Variants in KIF26A observed in about 807,000 individuals in gnomAD.
KIF26A encodes the protein kinesin-like protein KIF26A.
A neutral mutation model predicts 126.0 loss-of-function variants in KIF26A; 74 were observed. That is an observed-to-expected ratio of 0.59 (90% CI 0.49 to 0.71). KIF26A has a LOEUF of 0.71. Ranked by LOEUF, KIF26A falls within the 30% of genes least tolerant of loss-of-function variation. The pLI, the probability that KIF26A is intolerant of heterozygous loss-of-function variation, is 0.00. For synonymous variants in KIF26A, 1,445 were observed against 1,232.7 expected (o/e 1.17, Z -3.61); for missense variants, 2,984 against 2,763.3 (o/e 1.08, Z -1.79).
At chr14:104,160,969 C>G (rs1377987553) in intron 4 of KIF26A, among the ~76,000 whole-genome samples, 1 of 152,252 alleles carries the variant, frequency 6.6e-6, no homozygotes, top group Non-Finnish European at 1.5e-5. Flanking sequence ...CCTGGATGCC[C>G]AGGCCCATGG....
At position 104,152,157 on chromosome 14, in the gene KIF26A, A is replaced by T. The variant is rs775571744; in HGVS notation, c.431A>T (p.Gln144Leu). The T allele has an allele frequency of 6.2e-7, 1 of 1,609,674 alleles. No homozygotes were observed. The highest frequency in any genetic ancestry group is 1.3e-5 in the African/African-American group (1 of 74,868). Reference sequence around the variant, plus strand: ...ACACGGGAGGCCATGCACCTGCTGCAGGCCCCTGCCAGCCATGAGGACCTT... The same window carrying T: ...ACACGGGAGGCCATGCACCTGCTGCTGGCCCCTGCCAGCCATGAGGACCTT... ...QLTREAMHLL[Q>L]APASHEDLDA... The change falls in exon 3 of 15, where the codon CAG (glutamine) becomes CTG (leucine). Residue 144 changes from glutamine (Q) to leucine (L), a missense_variant. Coordinates refer to ENST00000423312, the MANE Select transcript of KIF26A (RefSeq NM_015656.2). This position sits in a 1 kb window ranked among gnomAD's most constrained non-coding sequence, Gnocchi z 5.9.
chr14:104,143,962 C>T (rs1355856442), intron 2 of KIF26A, among the ~76,000 whole-genome samples: 6 of 152,160 alleles, frequency 3.9e-5, no homozygotes, highest in African/African-American at 7.2e-5. Flanking sequence ...CTCGGGAGGC[C>T]GTGGAGCTCG....
Position 104,177,385 on chromosome 14 carries a change from G to A in KIF26A, c.4597G>A (p.Gly1533Ser), listed in dbSNP as rs372265058. ...TGRSPGGPVA[G>S]PRAAPRAGPS... ...CAGGAGCCCTGGCGGCCCTGTGGCCGGTCCCAGAGCAGCCCCACGGGCCGG... is the reference window on the plus strand; with the variant it reads ...CAGGAGCCCTGGCGGCCCTGTGGCCAGTCCCAGAGCAGCCCCACGGGCCGG... Residue 1533 changes from glycine (G) to serine (S), a missense_variant, in exon 12 of 15, where the codon GGT becomes AGT. Coordinates refer to ENST00000423312, the MANE Select transcript of KIF26A (RefSeq NM_015656.2). The A allele has an allele frequency of 2.0e-5, 29 of 1,485,084 alleles. No individual in the cohort carries two copies. The highest frequency in any genetic ancestry group is 1.7e-4 in the African/African-American group (12 of 71,362). The allele number at this position is 1,485,084 out of a possible 1,614,324, so 92.0% of individuals were successfully genotyped here. A position where few individuals can be genotyped will look rare whatever the true frequency, so the allele number is the denominator to read the frequency against.
chr14:104,179,311 C>T lies in KIF26A; in HGVS notation c.5392C>T (p.His1798Tyr), dbSNP rs1266295931. The T allele has an allele frequency of 5.8e-6, 9 of 1,539,298 alleles. No individual in the cohort carries two copies. The highest frequency in any genetic ancestry group is 8.7e-7 in the Non-Finnish European group (1 of 1,146,020). ...QQRLREVQAK[H>Y]KHLCEELAET... ...GCGGCTGCGGGAGGTGCAGGCCAAG[C>T]ACAAGCACCTGTGTGAGGAGCTGGC... The change falls in exon 14 of 15, where the codon CAC becomes TAC. Residue 1798 changes from histidine to tyrosine, a missense_variant. By Grantham distance (83) the His-to-Tyr change is moderately conservative (BLOSUM62 2). Coordinates refer to ENST00000423312, the MANE Select transcript of KIF26A (RefSeq NM_015656.2).
At chr14:104,140,964 C>T (rs1044931104) in intron 2 of KIF26A, among the ~76,000 whole-genome samples, 1 of 152,210 alleles carries the variant, frequency 6.6e-6, no homozygotes, top group Non-Finnish European at 1.5e-5. Flanking sequence ...GTCCCACCTG[C>T]AGGGTGCTGT....
At chr14:104,179,528 C>T in intron 14 of KIF26A, 81 bp from the exon 15 acceptor site, 1 of 1,438,332 alleles carries the variant, frequency 7.0e-7, no homozygotes, top group Non-Finnish European at 9.2e-7. Flanking sequence ...GATGCCTTTC[C>T]TGGGGCCTCT....
At chr14:104,171,228 A>G (rs1455595550) in intron 5 of KIF26A, among the ~76,000 whole-genome samples, 1 of 152,138 alleles carries the variant, frequency 6.6e-6, no homozygotes, top group Non-Finnish European at 1.5e-5. Context: ...GGAGGCAGCC[A>G]TGCCCCTGGA....
chr14:104,162,519 C>T (rs2037842804), intron 4 of KIF26A, among the ~76,000 whole-genome samples: 1 of 152,212 alleles, frequency 6.6e-6, no homozygotes. Flanking sequence ...GCTCCAGCCT[C>T]AATCTCCCTC....
Position 104,176,465 on chromosome 14 carries a change from C to T in KIF26A, c.3677C>T (p.Ala1226Val), listed in dbSNP as rs377692646. 4 of 1,606,856 alleles carry T rather than the reference C, an allele frequency of 2.5e-6. No homozygotes were observed. Among genetic ancestry groups the T allele is most frequent in the Non-Finnish European group, 3.4e-6 (4 of 1,179,156 alleles). ...TASATTRVGCARLGQSPPGRG... is the reference protein window; with the variant it reads ...TASATTRVGCVRLGQSPPGRG... ...TCTGCCACCACCCGTGTGGGCTGTG[C>T]TCGCCTGGGCCAGAGCCCACCTGGC... The change falls in exon 12 of 15, where the codon GCT becomes GTT. Residue 1226 changes from alanine to valine, a missense_variant. Ala to Val is a moderately conservative substitution (Grantham distance 64). Transcript: ENST00000423312.
chr14:104,179,287 C>A lies in KIF26A; in HGVS notation c.5368C>A (p.Arg1790=). The part of the protein sequence containing the change: ...RLRLAERRQQ[R]LREVQAKHKH... ...GCGGCTGGCGGAGCGCAGGCAGCAG[C>A]GGCTGCGGGAGGTGCAGGCCAAGCA... is the stretch of plus-strand genomic sequence containing the variant. The change falls in exon 14 of 15, where the codon CGG becomes AGG. Residue 1790 remains arginine (R), a synonymous_variant. Coordinates refer to ENST00000423312, the MANE Select transcript of KIF26A (RefSeq NM_015656.2). 6.5e-7 allele frequency: 1 copy of A among 1,532,752 alleles called. No individual in the cohort carries two copies. The highest frequency in any genetic ancestry group is 8.7e-7 in the Non-Finnish European group (1 of 1,143,754). 94.9% of individuals were successfully genotyped at this position (1,532,752 alleles called of 1,614,324 possible).
At position 104,179,606 on chromosome 14, in the gene KIF26A, C is replaced by T. The variant is rs762683809; in HGVS notation, c.5468-3C>T. 1 of 1,521,338 alleles carries T rather than the reference C, an allele frequency of 6.6e-7. No individual in the cohort carries two copies. The highest frequency in any genetic ancestry group is 1.3e-5 in the South Asian group (1 of 79,370). The allele number at this position is 1,521,338 out of a possible 1,614,324, so 94.2% of individuals were successfully genotyped here. A position where few individuals can be genotyped will look rare whatever the true frequency, so the allele number is the denominator to read the frequency against. On this transcript the variant is annotated splice_region_variant and splice_polypyrimidine_tract_variant and intron_variant, in intron 14 of 14. Coordinates refer to ENST00000423312, the MANE Select transcript of KIF26A (RefSeq NM_015656.2). ...TGCCCCTCCCCTCTCCTCCCCTCCC[C>T]AGTTGAGGTGGACCCGGAGCTGGAG... is the stretch of plus-strand genomic sequence containing the variant.
chr14:104,161,012 G>A (rs903326153), intron 4 of KIF26A, among the ~76,000 whole-genome samples: 6 of 139,820 alleles, frequency 4.3e-5, no homozygotes, highest in East Asian at 2.0e-4. Context: ...GAAGTGCAGC[G>A]CCTGCGGGGA....
intron 2 of KIF26A, among the ~76,000 whole-genome samples, chr14:104,143,349 T>A (rs2037653553): frequency 6.6e-6 from 1 of 152,234 alleles, no homozygotes; most frequent in Non-Finnish European, 1.5e-5. Flanking sequence ...GGTCTGAGGC[T>A]GGGAGCCCTC....
Position 104,173,135 on chromosome 14 carries a change from G to A in KIF26A, c.1579G>A (p.Asp527Asn), listed in dbSNP as rs1055830227. 7 of 1,609,440 alleles carry A rather than the reference G, an allele frequency of 4.3e-6. No homozygotes were observed. Among genetic ancestry groups the A allele is most frequent in the Middle Eastern group, 3.3e-4 (2 of 6,076 alleles). The change falls in exon 8 of 15, where the codon GAC becomes AAC. Residue 527 changes from aspartate (D) to asparagine (N), a missense_variant. Coordinates refer to ENST00000423312, the MANE Select transcript of KIF26A (RefSeq NM_015656.2). ...CTCAGCCGTGGAGGTGTGCGGGCGC[G>A]ACCAGAGCCTGCGGGACCTGCTGGC... ...RVSAVEVCGR[D>N]QSLRDLLAEV...
At chr14:104,165,533 T>TTG (rs906289338) in intron 4 of KIF26A, among the ~76,000 whole-genome samples, 1 of 97,610 alleles carries the variant, frequency 1.0e-5, no homozygotes, top group Admixed American at 9.9e-5. Context: ...GTGTGTATCT[T>TTG]TGTGTCTATG....
chr14:104,139,562 C>A (rs775715470), intron 2 of KIF26A, among the ~76,000 whole-genome samples: 11 of 152,164 alleles, frequency 7.2e-5, no homozygotes, highest in Non-Finnish European at 1.5e-4. Flanking sequence ...ACAGCTGGAA[C>A]GCAGGTTTGT....
At chr14:104,158,492 C>A (rs990958917) in intron 4 of KIF26A, among the ~76,000 whole-genome samples, 3 of 152,174 alleles carry the variant, frequency 2.0e-5, no homozygotes, top group African/African-American at 7.2e-5. Context: ...CGGGTGCCCA[C>A]GGTGCCAGCC....
At chr14:104,142,666 C>CT (rs1302814954) in intron 2 of KIF26A, among the ~76,000 whole-genome samples, 1 of 152,158 alleles carries the variant, frequency 6.6e-6, no homozygotes, top group African/African-American at 2.4e-5. Context: ...GGGCCTCCCT[C>CT]TTTCTCCACA....
Position 104,176,812 on chromosome 14 carries a change from A to G in KIF26A, c.4024A>G (p.Ser1342Gly). Residue 1342 changes from serine to glycine, a missense_variant, in exon 12 of 15, where the codon AGC becomes GGC. Physicochemically the swap from Ser to Gly is moderately conservative, Grantham distance 56. Coordinates refer to ENST00000423312, the MANE Select transcript of KIF26A (RefSeq NM_015656.2). ...GGGGAGCCTGAAGGCCTCCCCCACC[A>G]GCAAGAAGGGTCTGGCTCCCAAGGC... Reference protein sequence around the residue: ...CSGSLKASPTSKKGLAPKAGF... With the variant: ...CSGSLKASPTGKKGLAPKAGF... 2 of 1,561,226 alleles carry G rather than the reference A, an allele frequency of 1.3e-6. No individual in the cohort carries two copies. The highest frequency in any genetic ancestry group is 1.7e-4 in the Middle Eastern group (1 of 5,878).
Sources: allele counts gnomAD v4.1 joint callset (sites outside exome capture counted in the v4.1 genomes callset), GRCh38; gene constraint gnomAD v4.1.1; non-coding constraint Gnocchi (gnomAD v3.1); transcripts MANE v1.5; gene names NCBI Gene and HGNC (gene_info 2026-07-23, HGNC 2026-07-21).